Variants in YEATS2 observed in about 807,000 individuals in gnomAD.
YEATS2 encodes YEATS domain-containing protein 2.
Under a neutral mutation model 163.2 loss-of-function variants are expected in YEATS2, and 77 were observed. The ratio of observed to expected loss-of-function variants is 0.47; its 90% CI spans 0.39 to 0.57. The LOEUF is 0.57. Ranked by LOEUF, YEATS2 falls within the 20% of genes least tolerant of loss-of-function variation. The pLI is 0.00. For synonymous variants in YEATS2, 631 were observed against 645.1 expected (o/e 0.98, Z 0.33); for missense variants, 1,549 against 1,729.8 (o/e 0.90, Z 1.85).
chr3:183,791,241 C>A (rs1374337783), intron 21 of YEATS2, among the ~76,000 whole-genome samples: 1 of 152,164 alleles, frequency 6.6e-6, no homozygotes, highest in African/African-American at 2.4e-5. Flanking sequence ...CACCACGTTG[C>A]CCAGGCTGGT....
intron 4 of YEATS2, 21 bp downstream of exon 4, chr3:183,718,613 G>C: frequency 1.3e-6 from 2 of 1,568,562 alleles, no homozygotes; most frequent in Non-Finnish European, 1.7e-6. Flanking sequence ...CTCATACCCA[G>C]TCATTTTCCA....
intron 16 of YEATS2, among the ~76,000 whole-genome samples, 196 bp downstream of exon 16, chr3:183,772,759 A>ACACG (rs1491265384): frequency 4.7e-5 from 1 of 21,166 alleles, no homozygotes; most frequent in African/African-American, 1.8e-4. Context: ...CTTTAAATTT[A>ACACG]CACACACACA....
chr3:183,807,478 G>C (rs951370082), intron 28 of YEATS2: 2 of 279,264 alleles, frequency 7.2e-6, no homozygotes, highest in East Asian at 1.9e-4. Context: ...ACGTCAGCGC[G>C]TAATCCTCCC....
At chr3:183,731,242 T>G (rs950962146) in intron 7 of YEATS2, among the ~76,000 whole-genome samples, 1 of 147,102 alleles carries the variant, frequency 6.8e-6, no homozygotes, top group Non-Finnish European at 1.5e-5. Flanking sequence ...AAGGTTGCAG[T>G]GAGCCAAGAT....
chr3:183,752,698 G>A (rs1453336466), intron 10 of YEATS2, among the ~76,000 whole-genome samples: 14 of 128,348 alleles, frequency 1.1e-4, no homozygotes, highest in Admixed American at 3.4e-4. Context: ...AACAGAGCGA[G>A]ACTCCATCTC....
Position 183,810,576 on chromosome 3 carries a change from A to G in YEATS2, c.4262A>G (p.Asp1421Gly), listed in dbSNP as rs958486546. The change falls in exon 31 of 31, where the codon GAC (aspartate) becomes GGC (glycine). Residue 1421 changes from aspartate (D) to glycine (G), a missense_variant. Asp to Gly is a moderately conservative substitution (Grantham distance 94, BLOSUM62 -1). Transcript: ENST00000305135. ...TNKHMGILNE[D>G]Q ...AAACACATGGGAATATTGAATGAGG[A>G]CCAGTGAGCGGAGTGAGGTGCCCTG... The G allele has an allele frequency of 9.3e-6, 15 of 1,613,714 alleles. No homozygotes were observed. The African/African-American group carries it at 1.9e-4, about 20-fold the overall frequency.
intron 1 of YEATS2, among the ~76,000 whole-genome samples, chr3:183,710,899 T>A (rs1209798318): frequency 1.3e-5 from 2 of 152,160 alleles, no homozygotes; most frequent in Non-Finnish European, 2.9e-5. Flanking sequence ...CTCCTATGAC[T>A]CTTGGCAAAC....
intron 10 of YEATS2, among the ~76,000 whole-genome samples, chr3:183,752,642 G>C (rs1317586753): frequency 6.7e-6 from 1 of 148,830 alleles, no homozygotes; most frequent in African/African-American, 2.5e-5. Context: ...CCGGGAGGTG[G>C]AGCTTGCAGT....
chr3:183,784,348 C>T (rs775693022), intron 19 of YEATS2, among the ~76,000 whole-genome samples: 3 of 152,046 alleles, frequency 2.0e-5, no homozygotes, highest in East Asian at 1.9e-4. Context: ...ATTAGTGATA[C>T]GGAGCATTTT....
intron 15 of YEATS2, among the ~76,000 whole-genome samples, chr3:183,765,109 T>G (rs1441685509): frequency 1.3e-5 from 2 of 152,200 alleles, no homozygotes; most frequent in African/African-American, 2.4e-5. Context: ...AACTGCTTAC[T>G]AGTGCTCCCA....
At position 183,803,796 on chromosome 3, in the gene YEATS2, T is replaced by C. The variant is rs1577226505; in HGVS notation, c.3583-191T>C. The C allele has an allele frequency of 1.1e-5, 7 of 616,062 alleles. No individual in the cohort carries two copies. In the South Asian group the frequency reaches 1.2e-4, roughly 11 times the overall value. The allele number at this position is 616,062 out of a possible 1,614,324, so 38.2% of individuals were successfully genotyped here. ...CTTAAAGGCCAAACCTAGGAGTTGC[T>C]GTTTTATTGTATTAGCATTAGGGAA... is the stretch of plus-strand genomic sequence containing the variant. On this transcript the variant is annotated intron_variant, in intron 26 of 30. Transcript: ENST00000305135.
Position 183,754,325 on chromosome 3 carries a change from A to T in YEATS2, c.1350A>T (p.Lys450Asn). The change falls in exon 11 of 31, where the codon AAA (lysine) becomes AAT (asparagine). Residue 450 changes from lysine to asparagine, a missense_variant. By Grantham distance (94) the Lys-to-Asn change is moderately conservative. Transcript: ENST00000305135. ...TTCCTAATCCTGAGTCACCTGGAAA[A>T]TCCTTCCAGCCCATCACCATGAGCT... is the stretch of plus-strand genomic sequence containing the variant. ...SQVPNPESPGKSFQPITMSCK... is the reference protein window; with the variant it reads ...SQVPNPESPGNSFQPITMSCK... 1.9e-6 allele frequency: 3 copies of T among 1,614,050 alleles called. No homozygotes were observed. The highest frequency in any genetic ancestry group is 2.5e-6 in the Non-Finnish European group (3 of 1,179,934).
At chr3:183,802,813 C>A (rs1725819082) in intron 25 of YEATS2, 1 of 154,226 alleles carries the variant, frequency 6.5e-6, no homozygotes, top group Non-Finnish European at 1.4e-5. Flanking sequence ...GCCTGTAGTC[C>A]CAGCTCCTCG....
intron 21 of YEATS2, among the ~76,000 whole-genome samples, chr3:183,796,534 CGAT>C (rs900079336): frequency 6.7e-6 from 1 of 150,146 alleles, no homozygotes; most frequent in Non-Finnish European, 1.5e-5. Flanking sequence ...AGGTAGGAAA[CGAT>C]GAGGTGTGGT....
intron 9 of YEATS2, among the ~76,000 whole-genome samples, chr3:183,748,374 C>G (rs1175233889): frequency 6.6e-6 from 1 of 151,966 alleles, no homozygotes; most frequent in Admixed American, 6.6e-5. Flanking sequence ...GCCTCAGCCT[C>G]CCAAGTAGCT....
intron 8 of YEATS2, among the ~76,000 whole-genome samples, chr3:183,742,145 T>C (rs1577092391): frequency 6.6e-6 from 1 of 151,760 alleles, no homozygotes; most frequent in Admixed American, 6.6e-5. Flanking sequence ...TCCCAGGAGG[T>C]TGAGGCTGCT....
In YEATS2 at chr3:183,764,326, G is replaced by A. The variant is rs531414490; in HGVS notation, c.1947+2047G>A. Among the ~76,000 whole-genome samples the A allele has an allele frequency of 5.2e-5, 7 of 135,494 alleles. No individual in the cohort carries two copies. The South Asian group carries it at 1.6e-3, about 31-fold the overall frequency. The allele number at this position is 135,494 out of a possible 152,430, so 88.9% of individuals were successfully genotyped here. ...GTGGAAGTTGCAGTGAGCTGAGATC[G>A]CACCATTGCACTCCAGCCTGGGCAA... On this transcript the variant is annotated intron_variant, in intron 15 of 30. Transcript: ENST00000305135.
intron 1 of YEATS2, among the ~76,000 whole-genome samples, chr3:183,709,951 AT>A (rs1715025235): frequency 6.6e-6 from 1 of 152,154 alleles, no homozygotes; most frequent in South Asian, 2.1e-4. Context: ...AAGTGCTGGG[AT>A]TACAGGCGTG....
chr3:183,786,256 C>T lies in YEATS2; in HGVS notation c.2868C>T (p.Ala956=). 5.6e-6 allele frequency: 9 copies of T among 1,614,034 alleles called. No homozygotes were observed. The highest frequency in any genetic ancestry group is 7.6e-6 in the Non-Finnish European group (9 of 1,179,972). ...TAGCAGGAGGGGTTATCACAACTGC[C>T]ACTTCCCCTGCCGTGGCCCTCTCAG... ...LRVAGGVITT[A]TSPAVALSAN... is the part of the protein sequence containing the mutation. Residue 956 remains alanine (A), a synonymous_variant, in exon 20 of 31, where the codon GCC becomes GCT. Transcript: ENST00000305135.
Sources: allele counts gnomAD v4.1 joint callset (sites outside exome capture counted in the v4.1 genomes callset), GRCh38; gene constraint gnomAD v4.1.1; transcripts MANE v1.5; gene names NCBI Gene and HGNC (gene_info 2026-07-23, HGNC 2026-07-21).